Variants in INTS9 observed in about 807,000 individuals in gnomAD.
INTS9 encodes protein related to CPSF subunits of 74 kDa.
A neutral mutation model predicts 79.7 loss-of-function variants in INTS9; 55 were observed. That is an observed-to-expected ratio of 0.69 (90% CI 0.56 to 0.86). The LOEUF (loss-of-function observed/expected upper bound fraction) is 0.86, where lower values mean the gene tolerates loss of function less well. Among genes scored for constraint, INTS9 ranks in the 40% least tolerant of loss-of-function variants. INTS9 has a pLI of 0.00. For synonymous variants in INTS9, 319 were observed against 325.2 expected, an observed-to-expected ratio of 0.98 and a Z score of 0.20; for missense variants, 721 against 831.5, an observed-to-expected ratio of 0.87 and a Z score of 1.64.
At position 28,831,050 on chromosome 8, in the gene INTS9, G is replaced by A. The variant is rs181427527; in HGVS notation, c.488+4242C>T. On this transcript the variant is annotated intron_variant, in intron 6 of 16. Coordinates refer to ENST00000521022, the MANE Select transcript of INTS9 (RefSeq NM_018250.4). ...CCCTATTCACAATAGCAAAGATATGGACTCAACCAAAATGCCCATCAATGA... is the reference window on the plus strand; with the variant it reads ...CCCTATTCACAATAGCAAAGATATGAACTCAACCAAAATGCCCATCAATGA... 4.6e-3 allele frequency among the ~76,000 whole-genome samples: 694 copies of A among 152,200 alleles called. 2 individuals are homozygous for A. The highest frequency in any genetic ancestry group is 6.0e-3 in the Non-Finnish European group (411 of 68,010).
intron 3 of INTS9, among the ~76,000 whole-genome samples, chr8:28,849,191 A>G (rs1807690595): frequency 6.6e-6 from 1 of 152,214 alleles, no homozygotes; most frequent in Non-Finnish European, 1.5e-5. Context: ...TAGGAAAGGA[A>G]GAATGATTTA....
At chr8:28,772,854 A>ATACT (rs1802630382) in intron 14 of INTS9, among the ~76,000 whole-genome samples, 1 of 152,212 alleles carries the variant, frequency 6.6e-6, no homozygotes, top group African/African-American at 2.4e-5. Context: ...ATAACAGTGT[A>ATACT]TACTTATATA....
At chr8:28,867,757 A>G (rs1808842735) in intron 1 of INTS9, among the ~76,000 whole-genome samples, 1 of 151,748 alleles carries the variant, frequency 6.6e-6, no homozygotes, top group South Asian at 2.1e-4. Flanking sequence ...AGACTAAAAC[A>G]TCATCTATGT....
chr8:28,841,356 G>T (rs1005770745), intron 4 of INTS9, among the ~76,000 whole-genome samples: 1 of 152,108 alleles, frequency 6.6e-6, no homozygotes, highest in African/African-American at 2.4e-5. Flanking sequence ...AGATCCAGAA[G>T]AAAACAATGT....
At chr8:28,815,345 A>G (rs1805409534) in intron 6 of INTS9, among the ~76,000 whole-genome samples, 1 of 152,206 alleles carries the variant, frequency 6.6e-6, no homozygotes. Flanking sequence ...TACATACATG[A>G]AAAACCAGCA....
intron 6 of INTS9, among the ~76,000 whole-genome samples, chr8:28,829,407 G>A (rs1194676401): frequency 6.6e-6 from 1 of 152,134 alleles, no homozygotes; most frequent in African/African-American, 2.4e-5. Context: ...TAAATCTCAA[G>A]GAGCACTGTC....
At chr8:28,820,477 C>T (rs1318114216) in intron 6 of INTS9, among the ~76,000 whole-genome samples, 1 of 152,194 alleles carries the variant, frequency 6.6e-6, no homozygotes, top group Admixed American at 6.5e-5. Flanking sequence ...TCTCTTCTGG[C>T]TTGTAGAGTT....
rs760572505 is a variant in INTS9, at chr8:28,859,565, T to C, written c.10-2A>G. 3.1e-6 allele frequency: 5 copies of C among 1,613,908 alleles called. No homozygotes were observed. Among genetic ancestry groups the C allele is most frequent in the Non-Finnish European group, 4.2e-6 (5 of 1,179,816 alleles). On this transcript the variant is annotated splice_acceptor_variant, in intron 1 of 16. Coordinates refer to ENST00000521022, the MANE Select transcript of INTS9 (RefSeq NM_018250.4). LOFTEE classifies it high-confidence loss of function. Reference sequence around the variant, plus strand: ...GGTTGGGTGCCCTGACAGGCAATACTGAAAAAAATTAAATCACTTTGATCA... The same window carrying C: ...GGTTGGGTGCCCTGACAGGCAATACCGAAAAAAATTAAATCACTTTGATCA...
intron 11 of INTS9, among the ~76,000 whole-genome samples, chr8:28,782,130 G>A (rs1803303146): frequency 6.6e-6 from 1 of 152,228 alleles, no homozygotes. Flanking sequence ...CCCAGAATGT[G>A]ATTTGTGGAA....
At chr8:28,863,822 C>T (rs757859075) in intron 1 of INTS9, among the ~76,000 whole-genome samples, 3 of 152,108 alleles carry the variant, frequency 2.0e-5, no homozygotes, top group Non-Finnish European at 2.9e-5. Context: ...AAGCAATGTA[C>T]AACTACTTGC....
rs143837849 is a variant in INTS9 at position 28,858,160 on chromosome 8, G to A, written c.137+1276C>T. ...TTCATGACCCCACAGAGCAGGTTGG[G>A]CTCCCTTTTGGAATCTCTCATGGTA... is the stretch of plus-strand genomic sequence containing the variant. On this transcript the variant is annotated intron_variant, in intron 2 of 16. Transcript: ENST00000521022. 3.9e-3 allele frequency among the ~76,000 whole-genome samples: 587 copies of A among 152,216 alleles called. 3 individuals are homozygous for A. The highest frequency in any genetic ancestry group is 0.013 in the African/African-American group (557 of 41,534).
rs1802431522 is a variant in INTS9, at chr8:28,769,944, T to A, written c.1745A>T (p.Lys582Met). 6.2e-7 allele frequency: 1 copy of A among 1,614,120 alleles called. No homozygotes were observed. The highest frequency in any genetic ancestry group is 1.3e-5 in the African/African-American group (1 of 74,958). ...AGGGATGGAACCGCTCAACAAAGGCTTCAGGACTTTGCAGTCTGGTACGTC... is the reference window on the plus strand; with the variant it reads ...AGGGATGGAACCGCTCAACAAAGGCATCAGGACTTTGCAGTCTGGTACGTC... ...SDDVPDCKVL[K>M]PLLSGSIPVE... The change falls in exon 16 of 17, where the codon AAG becomes ATG. Residue 582 changes from lysine to methionine, a missense_variant. This residue lies in a region of INTS9 where 281 missense variants were observed against 300.8 expected (regional missense o/e 0.93). Transcript: ENST00000521022.
intron 6 of INTS9, among the ~76,000 whole-genome samples, chr8:28,831,370 G>A (rs1033139970): frequency 6.6e-6 from 1 of 152,160 alleles, no homozygotes; most frequent in Non-Finnish European, 1.5e-5. Flanking sequence ...TTAACACCTA[G>A]GTGAAGGGTT....
At chr8:28,822,749 T>C (rs1376916482) in intron 6 of INTS9, among the ~76,000 whole-genome samples, 1 of 152,190 alleles carries the variant, frequency 6.6e-6, no homozygotes, top group African/African-American at 2.4e-5. Flanking sequence ...TAGAAGGAAA[T>C]ATAATGTTTT....
chr8:28,848,696 C>T (rs927144210), intron 3 of INTS9, among the ~76,000 whole-genome samples: 2 of 152,204 alleles, frequency 1.3e-5, no homozygotes, highest in Non-Finnish European at 2.9e-5. Flanking sequence ...TAATCTTCTT[C>T]CCCATAATGC....
chr8:28,866,835 C>T (rs1030009098), intron 1 of INTS9, among the ~76,000 whole-genome samples: 20 of 151,770 alleles, frequency 1.3e-4, no homozygotes, highest in African/African-American at 4.4e-4. Flanking sequence ...ATTAGCCAGG[C>T]ATGGTGGCGG....
At position 28,787,824 on chromosome 8, in the gene INTS9, C is replaced by T; in HGVS notation, c.1098+5G>A. 1 of 1,603,016 alleles carries T rather than the reference C, an allele frequency of 6.2e-7. No homozygotes were observed. The highest frequency in any genetic ancestry group is 8.5e-7 in the Non-Finnish European group (1 of 1,171,096). ...TCCCATGTCCCAGTGATTTTGTTTTCTTACCTCTGCATGAGGAAAAGGTGG... is the reference window on the plus strand; with the variant it reads ...TCCCATGTCCCAGTGATTTTGTTTTTTTACCTCTGCATGAGGAAAAGGTGG... On this transcript the variant is annotated splice_donor_5th_base_variant and intron_variant, in intron 11 of 16. Coordinates refer to ENST00000521022, the MANE Select transcript of INTS9 (RefSeq NM_018250.4).
chr8:28,826,702 G>T (rs1256969602), intron 6 of INTS9, among the ~76,000 whole-genome samples: 1 of 152,180 alleles, frequency 6.6e-6, no homozygotes, highest in Non-Finnish European at 1.5e-5. Flanking sequence ...TTTCTTGCCT[G>T]CTTGGAATGG....
intron 16 of INTS9, 83 bp from the exon 17 acceptor site, chr8:28,768,405 G>T (rs765649305): frequency 2.3e-6 from 3 of 1,290,700 alleles, no homozygotes; most frequent in African/African-American, 2.9e-5. Context: ...AGACTCGACT[G>T]AACTTTCTAG....
Sources: allele counts gnomAD v4.1 joint callset (sites outside exome capture counted in the v4.1 genomes callset), GRCh38; gene constraint gnomAD v4.1.1; regional missense constraint gnomAD v4.1.1; transcripts MANE v1.5; gene names NCBI Gene and HGNC (gene_info 2026-07-23, HGNC 2026-07-21).